NKTR: variants seen among roughly 807,000 people sequenced by gnomAD.
NKTR encodes natural killer cell triggering receptor.
Under a neutral mutation model 156.3 loss-of-function variants are expected in NKTR, and 67 were observed. The observed-to-expected ratio is 0.43, with a 90% CI of 0.35 to 0.53. The LOEUF (loss-of-function observed/expected upper bound fraction) is 0.53, where lower values mean the gene tolerates loss of function less well. NKTR is among the 20% of genes least tolerant of loss of function. The pLI is 0.01. For synonymous variants in NKTR, 640 were observed against 596.6 expected (o/e 1.07, Z -1.06); for missense variants, 1,604 against 1,730.9 (o/e 0.93, Z 1.30).
intron 12 of NKTR, among the ~76,000 whole-genome samples, chr3:42,636,034 C>T (rs1418137113): frequency 2.6e-5 from 4 of 152,152 alleles, no homozygotes; most frequent in South Asian, 2.1e-4. Flanking sequence ...GACTGTTGAT[C>T]GCAGAGACTT....
At chr3:42,631,864 T>C (rs1347324887) in intron 8 of NKTR, among the ~76,000 whole-genome samples, 1 of 152,134 alleles carries the variant, frequency 6.6e-6, no homozygotes, top group Non-Finnish European at 1.5e-5. Flanking sequence ...TTTTCAGACA[T>C]GCCAACCACT....
chr3:42,644,757 C>G (rs1270128674), intron 16 of NKTR, among the ~76,000 whole-genome samples: 1 of 152,122 alleles, frequency 6.6e-6, no homozygotes, highest in East Asian at 1.9e-4. Context: ...CACCATCTCC[C>G]CTTTTGCCAC....
At chr3:42,641,859 CAG>C (rs1709915754) in intron 13 of NKTR, among the ~76,000 whole-genome samples, 1 of 147,590 alleles carries the variant, frequency 6.8e-6, no homozygotes, top group Admixed American at 6.8e-5. Flanking sequence ...GCCTGGGCGA[CAG>C]AGCAAGACTC....
intron 6 of NKTR, chr3:42,630,113 A>G: frequency 1.0e-6 from 1 of 989,768 alleles, no homozygotes; most frequent in Non-Finnish European, 1.2e-6. Flanking sequence ...GTTTGGGGCA[A>G]ATGTTAATCA....
chr3:42,631,240 C>T lies in NKTR; in HGVS notation c.474C>T (p.Thr158=), dbSNP rs201863592. 2.5e-5 allele frequency: 41 copies of T among 1,613,972 alleles called. No homozygotes were observed. Among genetic ancestry groups the T allele is most frequent in the Non-Finnish European group, 3.2e-5 (38 of 1,179,966 alleles). ...EVIEQIENLK[T]DAASRPYADV... ...TCGAACAAATTGAAAATCTGAAGAC[C>T]GATGCTGCAAGCAGACCATATGCAG... Residue 158 remains threonine, a synonymous_variant, in exon 8 of 17, where the codon ACC becomes ACT. Coordinates refer to ENST00000232978, the MANE Select transcript of NKTR (RefSeq NM_005385.4).
intron 7 of NKTR, chr3:42,630,927 C>T (rs1254936978): frequency 1.4e-5 from 19 of 1,384,756 alleles, no homozygotes; most frequent in Non-Finnish European, 1.8e-5. Context: ...TTACCAGACT[C>T]TTTACCCTAA....
chr3:42,644,934 A>G (rs754300918), intron 16 of NKTR, among the ~76,000 whole-genome samples: 8 of 151,898 alleles, frequency 5.3e-5, no homozygotes, highest in Non-Finnish European at 1.2e-4. Context: ...TGACTATTCT[A>G]TTCTGTCCTT....
Position 42,601,022 on chromosome 3 carries a change from C to T in NKTR, c.16C>T (p.Arg6Trp). Residue 6 changes from arginine (R) to tryptophan (W), a missense_variant, in exon 2 of 17, where the codon CGG (arginine) becomes TGG (tryptophan). By Grantham distance (101) the Arg-to-Trp change is moderately radical. Around this residue, in one of 6 missense-constraint regions of NKTR, gnomAD observed 73 missense variants for 90.7 expected, o/e 0.80. Coordinates refer to ENST00000232978, the MANE Select transcript of NKTR (RefSeq NM_005385.4). ...CTCGGTCGCGATGGGGGCGCAGGAC[C>T]GGCCGCAGTGCCACTTCGACATCGA... MGAQD[R>W]PQCHFDIEIN... 3.2e-6 allele frequency: 5 copies of T among 1,580,640 alleles called. No homozygotes were observed. Among genetic ancestry groups the T allele is most frequent in the Non-Finnish European group, 4.3e-6 (5 of 1,166,460 alleles).
rs1167018379 is a variant in NKTR, at chr3:42,621,498, A to G, written c.356A>G (p.Asn119Ser). ...LSMANRGKHT[N>S]GSQFFITTKP... is the part of the protein sequence containing the mutation. Reference sequence around the variant, plus strand: ...ATGGCAAATCGAGGGAAACATACCAATGGTTCCCAGTTTTTCATGTGAGTA... The same window carrying G: ...ATGGCAAATCGAGGGAAACATACCAGTGGTTCCCAGTTTTTCATGTGAGTA... The change falls in exon 6 of 17, where the codon AAT becomes AGT. Residue 119 changes from asparagine to serine, a missense_variant. By Grantham distance (46) the Asn-to-Ser change is conservative. This residue lies in a region of NKTR where 61 missense variants were observed against 113.3 expected (regional missense o/e 0.54). Coordinates refer to ENST00000232978, the MANE Select transcript of NKTR (RefSeq NM_005385.4). 4.4e-6 allele frequency: 7 copies of G among 1,609,182 alleles called. No homozygotes were observed. The highest frequency in any genetic ancestry group is 5.1e-6 in the Non-Finnish European group (6 of 1,177,534).
Position 42,606,877 on chromosome 3 carries a change from T to TA in NKTR, c.58+5814dup, listed in dbSNP as rs1488848270. On this transcript the variant is annotated intron_variant, in intron 2 of 16. Coordinates refer to ENST00000232978, the MANE Select transcript of NKTR (RefSeq NM_005385.4). ...AAAAAATTTCGTTTGGCTTTTTTTT[T>TA]AGAGACAGAGTATCACTGCGTTGCT... is the stretch of plus-strand genomic sequence containing the variant. Among the ~76,000 whole-genome samples, 5 of 151,756 alleles carry TA rather than the reference T, an allele frequency of 3.3e-5. No individual in the cohort carries two copies. The East Asian group carries it at 9.7e-4, about 29-fold the overall frequency.
Position 42,643,383 on chromosome 3 carries a change from A to C in NKTR, c.4187A>C (p.His1396Pro). 6.2e-7 allele frequency: 1 copy of C among 1,614,032 alleles called. No individual in the cohort carries two copies. The highest frequency in any genetic ancestry group is 1.1e-5 in the South Asian group (1 of 91,082). Residue 1396 changes from histidine to proline, a missense_variant, in exon 15 of 17, where the codon CAC (histidine) becomes CCC (proline). This residue lies in a region of NKTR where 193 missense variants were observed against 220.2 expected (regional missense o/e 0.88). Transcript: ENST00000232978. Reference protein sequence around the residue: ...SRSRSSSYDPHSRSRSYTYDS... With the variant: ...SRSRSSSYDPPSRSRSYTYDS... ...TCCAGGAGCAGCTCATATGATCCCC[A>C]CAGTCGATCCAGGTATGAACAGGGA...
intron 2 of NKTR, among the ~76,000 whole-genome samples, chr3:42,604,304 T>A (rs1427998528): frequency 1.3e-5 from 2 of 152,346 alleles, no homozygotes; most frequent in East Asian, 3.9e-4. Flanking sequence ...TCTTTCTTTC[T>A]AATGCTTGCT....
chr3:42,626,167 A>ATT (rs58733435), intron 6 of NKTR, among the ~76,000 whole-genome samples: 24,625 of 144,132 alleles, frequency 0.17, 2,413 homozygotes, highest in African/African-American at 0.28. Context: ...ACAGTCACTT[A>ATT]TTTTTTTTTT....
Position 42,631,324 on chromosome 3 carries a change from CT to C in NKTR, c.550+14del. 1.2e-6 allele frequency: 2 copies of C among 1,612,398 alleles called. No homozygotes were observed. Among genetic ancestry groups the C allele is most frequent in the Non-Finnish European group, 8.5e-7 (1 of 1,179,130 alleles). On this transcript the variant is annotated intron_variant, in intron 8 of 16. Transcript: ENST00000232978. ...CAAAATCAATAAAAGATGGTAAGAA[CT>C]TTTTTGACAGTAGATGAAGCTAAGA...
rs554307728 is a variant in NKTR at position 42,628,308 on chromosome 3, A to G, written c.375-2238A>G. 3.0e-5 allele frequency: 30 copies of G among 985,434 alleles called. No homozygotes were observed. In the African/African-American group the frequency reaches 4.7e-4, roughly 15 times the overall value. The allele number at this position is 985,434 out of a possible 1,614,324, so 61.0% of individuals were successfully genotyped here. On this transcript the variant is annotated intron_variant, in intron 6 of 16. Transcript: ENST00000232978. ...TTCATTTGTTTTCTGCACTACTGCT[A>G]TAAAGGACCAAGTTTGCCTATTCTT...
At chr3:42,610,820 T>C (rs1387880679) in intron 2 of NKTR, among the ~76,000 whole-genome samples, 4 of 152,212 alleles carry the variant, frequency 2.6e-5, no homozygotes, top group Non-Finnish European at 5.9e-5. Flanking sequence ...GTTGATATAG[T>C]GTTACACTTT....
chr3:42,620,145 A>G (rs1008599817), intron 5 of NKTR: 12 of 1,428,084 alleles, frequency 8.4e-6, no homozygotes, highest in Middle Eastern at 1.8e-4. Context: ...CTGGATTTCT[A>G]TATTGCTTGA....
At chr3:42,623,527 T>A (rs1485045036) in intron 6 of NKTR, among the ~76,000 whole-genome samples, 2 of 152,168 alleles carry the variant, frequency 1.3e-5, no homozygotes, top group African/African-American at 4.8e-5. Flanking sequence ...ACTTTCATGT[T>A]TCAGAACTAA....
In NKTR at chr3:42,631,176, A is replaced by G; in HGVS notation, c.410A>G (p.His137Arg). Residue 137 changes from histidine (H) to arginine (R), a missense_variant, in exon 8 of 17, where the codon CAT becomes CGT. Coordinates refer to ENST00000232978, the MANE Select transcript of NKTR (RefSeq NM_005385.4). ...TTGAATTTGTATTATGACAGGGTGCATGTAGTCTTTGGACTGGTTATTTCT... is the reference window on the plus strand; with the variant it reads ...TTGAATTTGTATTATGACAGGGTGCGTGTAGTCTTTGGACTGGTTATTTCT... ...TKPAPHLDGV[H>R]VVFGLVISGF... The G allele has an allele frequency of 6.2e-7, 1 of 1,613,928 alleles. No homozygotes were observed. Among genetic ancestry groups the G allele is most frequent in the African/African-American group, 1.3e-5 (1 of 75,036 alleles).
Sources: gnomAD v4.1 joint callset for allele counts (sites outside exome capture counted in the v4.1 genomes callset) on GRCh38, gnomAD v4.1.1 for gene constraint, gnomAD v4.1.1 regional missense constraint, MANE v1.5 for transcripts, NCBI Gene and HGNC (gene_info 2026-07-23, HGNC 2026-07-21) for gene names.